Variants in PHACTR1 observed in about 807,000 individuals in gnomAD.
PHACTR1 encodes RPEL repeat containing 1.
Under a neutral mutation model 69.2 loss-of-function variants are expected in PHACTR1, and 16 were observed. The observed-to-expected ratio is 0.23, with a 90% CI of 0.16 to 0.35. The LOEUF is 0.35. PHACTR1 is among the 10% of genes least tolerant of loss of function. The probability of loss-of-function intolerance (pLI) is 1.00; values close to 1 mark genes in which losing one functional copy is unlikely to be tolerated. For synonymous variants in PHACTR1, 312 were observed against 284.5 expected (o/e 1.10, Z -0.97); for missense variants, 510 against 734.7 (o/e 0.69, Z 3.54).
intron 4 of PHACTR1, among the ~76,000 whole-genome samples, chr6:12,940,716 G>A (rs552479929): frequency 8.5e-5 from 13 of 152,302 alleles, no homozygotes; most frequent in East Asian, 3.9e-4. Context: ...TGATCTTCAC[G>A]TTTAATGACT....
intron 7 of PHACTR1, among the ~76,000 whole-genome samples, chr6:13,190,478 GAC>G (rs1488562465): frequency 6.6e-6 from 1 of 151,890 alleles, no homozygotes; most frequent in Admixed American, 6.6e-5. Flanking sequence ...GAGGTGGGGG[GAC>G]ACAATTCAGT....
chr6:12,980,455 T>C (rs1795381395), intron 4 of PHACTR1, among the ~76,000 whole-genome samples: 1 of 152,140 alleles, frequency 6.6e-6, no homozygotes, highest in Non-Finnish European at 1.5e-5. Context: ...AGTGATATTA[T>C]ATGCTCCCAG....
At chr6:12,736,512 C>T (rs1339747520) in intron 3 of PHACTR1, among the ~76,000 whole-genome samples, 1 of 152,016 alleles carries the variant, frequency 6.6e-6, no homozygotes, top group African/African-American at 2.4e-5. Flanking sequence ...CAATACTGTC[C>T]ACAGTATTAT....
chr6:12,854,031 A>G lies in PHACTR1; in HGVS notation c.250+104241A>G, dbSNP rs1445346623. Among the ~76,000 whole-genome samples the G allele has an allele frequency of 2.6e-5, 4 of 152,334 alleles. No homozygotes were observed. In the East Asian group the frequency reaches 7.7e-4, roughly 29 times the overall value. On this transcript the variant is annotated intron_variant, in intron 4 of 14. Transcript: ENST00000332995. ...AGGCGTTGTCAATACGTATAGGTGG[A>G]ACTACATGTATTGACAACCCCAGGT...
chr6:12,775,968 A>G (rs1770009848), intron 4 of PHACTR1, among the ~76,000 whole-genome samples: 1 of 152,238 alleles, frequency 6.6e-6, no homozygotes, highest in South Asian at 2.1e-4. Context: ...AAATGTAAAG[A>G]TAATGGTGAA....
At chr6:12,942,282 T>C (rs754101871) in intron 4 of PHACTR1, among the ~76,000 whole-genome samples, 6 of 152,244 alleles carry the variant, frequency 3.9e-5, no homozygotes, top group Admixed American at 6.5e-5. Context: ...TGCCTTTTAG[T>C]GTGCCTAGCA....
chr6:12,909,933 C>T (rs1344706804), intron 4 of PHACTR1, among the ~76,000 whole-genome samples: 1 of 152,238 alleles, frequency 6.6e-6, no homozygotes, highest in African/African-American at 2.4e-5. Flanking sequence ...TCTCCAAGCC[C>T]CACATTCGAA....
chr6:12,757,890 T>C (rs1298780920), intron 4 of PHACTR1, among the ~76,000 whole-genome samples: 2 of 152,070 alleles, frequency 1.3e-5, no homozygotes, highest in Non-Finnish European at 2.9e-5. Context: ...GGTGGGCGGA[T>C]CACCTGAGGT....
At chr6:12,763,254 CAAA>C (rs1554135020) in intron 4 of PHACTR1, among the ~76,000 whole-genome samples, 5 of 142,360 alleles carry the variant, frequency 3.5e-5, no homozygotes, top group Non-Finnish European at 6.2e-5. Context: ...ACAACAACAA[CAAA>C]ACAGCAGCCA....
At chr6:12,779,836 C>T (rs1770590230) in intron 4 of PHACTR1, among the ~76,000 whole-genome samples, 1 of 152,120 alleles carries the variant, frequency 6.6e-6, no homozygotes, top group Admixed American at 6.5e-5. Context: ...ATATATGTAG[C>T]TTAATTTAAG....
intron 4 of PHACTR1, among the ~76,000 whole-genome samples, chr6:12,857,046 A>G (rs1780450163): frequency 1.3e-5 from 2 of 152,172 alleles, no homozygotes; most frequent in African/African-American, 4.8e-5. Context: ...CAAACAACCA[A>G]CTAAAAAAAG....
At chr6:13,177,888 G>T (rs1037088678) in intron 6 of PHACTR1, among the ~76,000 whole-genome samples, 4 of 152,162 alleles carry the variant, frequency 2.6e-5, no homozygotes, top group Non-Finnish European at 5.9e-5. Flanking sequence ...GGTCATTGTC[G>T]GGGGTTGGAG....
intron 10 of PHACTR1, among the ~76,000 whole-genome samples, chr6:13,254,651 C>G (rs1401788555): frequency 2.0e-5 from 3 of 152,154 alleles, no homozygotes; most frequent in Non-Finnish European, 2.9e-5. Context: ...TTATGATAAC[C>G]TGAGGAGGGT....
chr6:12,849,579 G>A (rs951096172), intron 4 of PHACTR1, among the ~76,000 whole-genome samples: 5 of 152,166 alleles, frequency 3.3e-5, no homozygotes, highest in African/African-American at 7.2e-5. Flanking sequence ...CCATATGGGC[G>A]GGAAGTGCAA....
chr6:13,137,978 C>G (rs973749165), intron 5 of PHACTR1, among the ~76,000 whole-genome samples: 6 of 152,158 alleles, frequency 3.9e-5, no homozygotes, highest in African/African-American at 1.4e-4. Flanking sequence ...CAACCATTGT[C>G]AAAGAGAAAG....
At chr6:12,815,843 A>G (rs1229905483) in intron 4 of PHACTR1, among the ~76,000 whole-genome samples, 1 of 151,034 alleles carries the variant, frequency 6.6e-6, no homozygotes, top group Non-Finnish European at 1.5e-5. Flanking sequence ...GGTTTTCATG[A>G]AAAAAAGTCC....
intron 3 of PHACTR1, among the ~76,000 whole-genome samples, chr6:12,738,328 GTGA>G (rs1764568073): frequency 6.6e-6 from 1 of 152,174 alleles, no homozygotes; most frequent in South Asian, 2.1e-4. Context: ...TCCCTCGATG[GTGA>G]TGATAATTTT....
At chr6:13,102,257 T>G (rs1302201376) in intron 5 of PHACTR1, among the ~76,000 whole-genome samples, 1 of 152,188 alleles carries the variant, frequency 6.6e-6, no homozygotes, top group Non-Finnish European at 1.5e-5. Context: ...TACAATCAAG[T>G]TTCAGACTAA....
chr6:12,803,800 T>C (rs566656233), intron 4 of PHACTR1, among the ~76,000 whole-genome samples: 1 of 152,294 alleles, frequency 6.6e-6, no homozygotes, highest in African/African-American at 2.4e-5. Flanking sequence ...CAGATGCCAG[T>C]AGCAGGGCAT....
Sources: gnomAD v4.1 joint callset for allele counts (sites outside exome capture counted in the v4.1 genomes callset) on GRCh38, gnomAD v4.1.1 for gene constraint, MANE v1.5 for transcripts, NCBI Gene and HGNC (gene_info 2026-07-23, HGNC 2026-07-21) for gene names.